LGR4: variants seen among roughly 807,000 people sequenced by gnomAD.
The protein encoded by LGR4 is leucine rich repeat containing G protein-coupled receptor 4, also known as leucine-rich repeat-containing G protein-coupled receptor 4.
A neutral mutation model predicts 84.8 loss-of-function variants in LGR4; 44 were observed. The ratio of observed to expected loss-of-function variants is 0.52; its 90% CI spans 0.41 to 0.67. The LOEUF (loss-of-function observed/expected upper bound fraction) is 0.67, where lower values mean the gene tolerates loss of function less well. Ranked by LOEUF, LGR4 falls within the 30% of genes least tolerant of loss-of-function variation. LGR4 has a pLI of 0.00. For synonymous variants in LGR4, 429 were observed against 434.3 expected (o/e 0.99, Z 0.15); for missense variants, 1,032 against 1,131.4 (o/e 0.91, Z 1.26).
At chr11:27,412,937 C>G (rs185180728) in intron 1 of LGR4, 77 bp from the exon 2 acceptor site, 65 of 947,024 alleles carry the variant, frequency 6.9e-5, no homozygotes, top group Non-Finnish European at 9.1e-5. Flanking sequence ...AGAAAACTAA[C>G]TAGGTGTTAC....
intron 8 of LGR4, 38 bp from the exon 9 acceptor site, chr11:27,380,749 T>G (rs941577609): frequency 7.2e-7 from 1 of 1,396,760 alleles, no homozygotes; most frequent in Non-Finnish European, 1.0e-6. Context: ...TTTTCATATG[T>G]TCACAAGCAC....
At chr11:27,411,919 A>T (rs1401600009) in intron 2 of LGR4, among the ~76,000 whole-genome samples, 1 of 152,094 alleles carries the variant, frequency 6.6e-6, no homozygotes, top group Non-Finnish European at 1.5e-5. Context: ...CACAATCTGT[A>T]ATATGAATTT....
At position 27,367,882 on chromosome 11, in the gene LGR4, T is replaced by C; in HGVS notation, c.2841A>G (p.Pro947=). Residue 947 remains proline (P), a synonymous_variant, in exon 18 of 18, where the codon CCA becomes CCG. Transcript: ENST00000379214. ...FPLVRYAYNL[P]RVKD The stretch of plus-strand genomic sequence containing the variant: ...ACACAGTAGTTCAGTCTTTAACTCT[T>C]GGTAGATTGTAAGCATAGCGCACCA... 6.3e-7 allele frequency: 1 copy of C among 1,590,746 alleles called. No individual in the cohort carries two copies. Among genetic ancestry groups the C allele is most frequent in the African/African-American group, 1.4e-5 (1 of 73,504 alleles).
intron 2 of LGR4, among the ~76,000 whole-genome samples, chr11:27,403,338 G>C (rs1863539523): frequency 6.6e-6 from 1 of 152,190 alleles, no homozygotes; most frequent in African/African-American, 2.4e-5. Flanking sequence ...GCATGTGCCA[G>C]CTACTCAGGA....
At chr11:27,425,499 T>A (rs1366852751) in intron 1 of LGR4, among the ~76,000 whole-genome samples, 1 of 152,122 alleles carries the variant, frequency 6.6e-6, no homozygotes, top group Middle Eastern at 3.4e-3. Flanking sequence ...TTTTTAAAAT[T>A]TTTTTGTAGA....
intron 1 of LGR4, among the ~76,000 whole-genome samples, chr11:27,429,971 C>T (rs1226077695): frequency 6.6e-6 from 1 of 152,126 alleles, no homozygotes; most frequent in Non-Finnish European, 1.5e-5. Flanking sequence ...GCAGGTGGGG[C>T]TACCAGCTGA....
intron 2 of LGR4, among the ~76,000 whole-genome samples, chr11:27,394,169 A>T (rs1457082789): frequency 1.3e-5 from 2 of 152,192 alleles, no homozygotes; most frequent in Non-Finnish European, 2.9e-5. Context: ...CCTAAATTCT[A>T]CACTGCATTG....
chr11:27,382,705 G>A lies in LGR4; in HGVS notation c.690-449C>T, dbSNP rs549551003. Among the ~76,000 whole-genome samples the A allele has an allele frequency of 1.9e-4, 29 of 152,270 alleles. No homozygotes were observed. The South Asian group carries it at 3.1e-3, about 16-fold the overall frequency. ...AGCTGACCTCAGTTCCACCATCAGC[G>A]TGATGACCTGAGATAAAAATAATCA... On this transcript the variant is annotated intron_variant, in intron 6 of 17. Transcript: ENST00000379214.
chr11:27,428,705 T>C (rs951641086), intron 1 of LGR4, among the ~76,000 whole-genome samples: 2 of 152,114 alleles, frequency 1.3e-5, no homozygotes, highest in Admixed American at 6.5e-5. Context: ...TGAATGTTAC[T>C]GATTAGAGGT....
At chr11:27,456,090 G>A (rs1317684021) in intron 1 of LGR4, among the ~76,000 whole-genome samples, 1 of 152,188 alleles carries the variant, frequency 6.6e-6, no homozygotes, top group Non-Finnish European at 1.5e-5. Flanking sequence ...AGTGAAATGA[G>A]AAAGCAAAAT....
At chr11:27,425,383 A>G (rs1482200189) in intron 1 of LGR4, among the ~76,000 whole-genome samples, 1 of 149,892 alleles carries the variant, frequency 6.7e-6, no homozygotes, top group Non-Finnish European at 1.5e-5. Context: ...AGGCTGGAGT[A>G]CATGTGGCAC....
At chr11:27,377,882 A>G (rs1863016754) in intron 11 of LGR4, among the ~76,000 whole-genome samples, 1 of 152,192 alleles carries the variant, frequency 6.6e-6, no homozygotes, top group Non-Finnish European at 1.5e-5. Context: ...ATATGGTCCC[A>G]TAAGAGTATA....
chr11:27,378,449 G>C (rs1480887194), intron 11 of LGR4, among the ~76,000 whole-genome samples: 1 of 152,122 alleles, frequency 6.6e-6, no homozygotes, highest in Non-Finnish European at 1.5e-5. Context: ...AATGAAGAAA[G>C]AACCTATCTT....
At chr11:27,399,041 G>C (rs1863445834) in intron 2 of LGR4, among the ~76,000 whole-genome samples, 1 of 152,072 alleles carries the variant, frequency 6.6e-6, no homozygotes, top group African/African-American at 2.4e-5. Flanking sequence ...CTCCCAAGTA[G>C]CTGGGATTAC....
intron 4 of LGR4, 30 bp from the exon 5 acceptor site, chr11:27,385,498 T>TA (rs1863171496): frequency 6.9e-7 from 1 of 1,440,710 alleles, no homozygotes; most frequent in Non-Finnish European, 9.6e-7. Context: ...CCATGTTCAG[T>TA]AACAAATTCT....
chr11:27,442,633 A>G (rs1206924847), intron 1 of LGR4, among the ~76,000 whole-genome samples: 2 of 152,230 alleles, frequency 1.3e-5, no homozygotes, highest in Non-Finnish European at 2.9e-5. Context: ...TACAGAGCAA[A>G]ACAGCACCAG....
At chr11:27,381,160 C>T (rs1312329379) in intron 7 of LGR4, among the ~76,000 whole-genome samples, 194 bp from the exon 8 acceptor site, 2 of 151,912 alleles carry the variant, frequency 1.3e-5, no homozygotes, top group African/African-American at 4.8e-5. Flanking sequence ...TTTTTTAACC[C>T]ACTGCTTAGC....
intron 2 of LGR4, among the ~76,000 whole-genome samples, chr11:27,406,219 T>C (rs1220882713): frequency 6.6e-6 from 1 of 152,116 alleles, no homozygotes; most frequent in East Asian, 1.9e-4. Context: ...TCCTTCCAAT[T>C]TGAATTCCCA....
intron 11 of LGR4, among the ~76,000 whole-genome samples, chr11:27,378,375 G>A (rs1214185842): frequency 6.6e-6 from 1 of 152,124 alleles, no homozygotes; most frequent in Non-Finnish European, 1.5e-5. Context: ...GATGAAAGAA[G>A]GAGACTATGA....
Sources: gnomAD v4.1 joint callset for allele counts (sites outside exome capture counted in the v4.1 genomes callset) on GRCh38, gnomAD v4.1.1 for gene constraint, MANE v1.5 for transcripts, NCBI Gene and HGNC (gene_info 2026-07-23, HGNC 2026-07-21) for gene names.